CDH13: variants seen among roughly 807,000 people sequenced by gnomAD.
CDH13 encodes cadherin-13.
CDH13 carries 24 observed loss-of-function variants against 63.8 expected under a neutral mutation model. The observed-to-expected ratio is 0.38, with a 90% CI of 0.27 to 0.53. The LOEUF (loss-of-function observed/expected upper bound fraction) is 0.53, where lower values mean the gene tolerates loss of function less well. Ranked by LOEUF, CDH13 falls within the 20% of genes least tolerant of loss-of-function variation. CDH13 has a pLI of 0.85. For missense variants in CDH13, 1,049 were observed against 903.1 expected (o/e 1.16, Z -2.07); for synonymous variants, 503 against 355.3 (o/e 1.42, Z -4.67).
At chr16:82,679,237 G>A (rs1914274482) in intron 1 of CDH13, among the ~76,000 whole-genome samples, 1 of 152,142 alleles carries the variant, frequency 6.6e-6, no homozygotes, top group African/African-American at 2.4e-5. Context: ...AGAAATACGG[G>A]GTATAGCTGA....
At chr16:82,843,382 C>T (rs1210948132) in intron 1 of CDH13, among the ~76,000 whole-genome samples, 6 of 152,102 alleles carry the variant, frequency 3.9e-5, no homozygotes, top group Admixed American at 3.3e-4. Flanking sequence ...TTTGTATGAA[C>T]ATTTGGGGAA....
chr16:83,737,788 G>A (rs928702113), intron 10 of CDH13, among the ~76,000 whole-genome samples: 14 of 152,168 alleles, frequency 9.2e-5, no homozygotes, highest in African/African-American at 3.1e-4. Context: ...CCCAACCCTC[G>A]TGGGCTATTC....
chr16:83,106,537 C>A (rs1567835553), intron 3 of CDH13, among the ~76,000 whole-genome samples: 2 of 152,058 alleles, frequency 1.3e-5, no homozygotes, highest in Admixed American at 1.3e-4. Flanking sequence ...CGAGACTCCA[C>A]CTCAAACAAA....
intron 5 of CDH13, among the ~76,000 whole-genome samples, chr16:83,280,456 T>G (rs757938148): frequency 5.9e-5 from 9 of 152,222 alleles, no homozygotes; most frequent in Non-Finnish European, 8.8e-5. Context: ...TCGTACTGTT[T>G]CCATCACATC....
intron 4 of CDH13, among the ~76,000 whole-genome samples, chr16:83,178,389 C>T (rs1424091058): frequency 6.6e-6 from 1 of 152,186 alleles, no homozygotes; most frequent in African/African-American, 2.4e-5. Flanking sequence ...TAGATCCTGT[C>T]TGAAGTCCCC....
At chr16:83,391,531 C>T (rs1027977095) in intron 6 of CDH13, among the ~76,000 whole-genome samples, 1 of 152,092 alleles carries the variant, frequency 6.6e-6, no homozygotes, top group African/African-American at 2.4e-5. Context: ...TAATAGTAAG[C>T]CCCAATTATA....
chr16:82,983,733 A>G (rs1342241972), intron 2 of CDH13, among the ~76,000 whole-genome samples: 4 of 152,154 alleles, frequency 2.6e-5, no homozygotes. Flanking sequence ...TGAACAATGG[A>G]CACAAATATA....
At chr16:83,601,331 A>G (rs1907771457) in intron 7 of CDH13, among the ~76,000 whole-genome samples, 1 of 152,198 alleles carries the variant, frequency 6.6e-6, no homozygotes, top group East Asian at 1.9e-4. Flanking sequence ...ACTCTTCTTC[A>G]TCTTAGGATC....
chr16:82,729,260 A>C (rs1293003716), intron 1 of CDH13, among the ~76,000 whole-genome samples: 2 of 152,174 alleles, frequency 1.3e-5, no homozygotes, highest in Non-Finnish European at 2.9e-5. Context: ...GAAGGTTTTC[A>C]GTTCACTTTG....
intron 3 of CDH13, among the ~76,000 whole-genome samples, chr16:83,117,728 C>G (rs533343724): frequency 6.6e-6 from 1 of 152,312 alleles, no homozygotes; most frequent in East Asian, 1.9e-4. Flanking sequence ...TTCTCACGTT[C>G]TTTTTCTCTT....
At chr16:83,045,731 T>C (rs1181304440) in intron 3 of CDH13, among the ~76,000 whole-genome samples, 1 of 150,726 alleles carries the variant, frequency 6.6e-6, no homozygotes, top group East Asian at 1.9e-4. Context: ...ATAAAGACCA[T>C]GGATTTTCTC....
At chr16:83,785,129 CA>C (rs985569657) in intron 13 of CDH13, among the ~76,000 whole-genome samples, 18 of 152,300 alleles carry the variant, frequency 1.2e-4, no homozygotes, top group African/African-American at 3.9e-4. Flanking sequence ...AAACGTTGAG[CA>C]GGGGTGGTCC....
chr16:83,718,618 G>T (rs555573238), intron 10 of CDH13, among the ~76,000 whole-genome samples: 7 of 152,230 alleles, frequency 4.6e-5, no homozygotes, highest in Admixed American at 3.3e-4. Context: ...GCCGGTGGGT[G>T]TGTGATATAG....
intron 6 of CDH13, among the ~76,000 whole-genome samples, chr16:83,483,853 C>T (rs1598125479): frequency 6.6e-6 from 1 of 152,156 alleles, no homozygotes; most frequent in South Asian, 2.1e-4. Flanking sequence ...TGAGTGGCTG[C>T]CTAGACCACT....
At chr16:83,015,648 G>A (rs962688231) in intron 2 of CDH13, among the ~76,000 whole-genome samples, 1 of 108,548 alleles carries the variant, frequency 9.2e-6, no homozygotes, top group East Asian at 3.2e-4. Context: ...GCTTCAGCTT[G>A]CAGCATATAT....
chr16:82,832,483 C>T (rs1828482661), intron 1 of CDH13, among the ~76,000 whole-genome samples: 1 of 151,868 alleles, frequency 6.6e-6, no homozygotes, highest in South Asian at 2.1e-4. Flanking sequence ...TGTTGCTCTA[C>T]CAACATGGTT....
intron 3 of CDH13, among the ~76,000 whole-genome samples, chr16:83,076,401 C>A (rs1042375569): frequency 9.9e-5 from 15 of 152,260 alleles, no homozygotes; most frequent in South Asian, 2.1e-4. Context: ...CTTAGACTGG[C>A]AGGACTGGTG....
intron 1 of CDH13, among the ~76,000 whole-genome samples, chr16:82,666,032 C>T (rs1597261738): frequency 6.6e-6 from 1 of 152,138 alleles, no homozygotes; most frequent in African/African-American, 2.4e-5. Flanking sequence ...CAGGGAATAT[C>T]TGTGTATAAA....
chr16:82,700,027 C>G (rs1364250780), intron 1 of CDH13, among the ~76,000 whole-genome samples: 1 of 152,090 alleles, frequency 6.6e-6, no homozygotes, highest in East Asian at 1.9e-4. Context: ...TCTAGAAGTT[C>G]GCCTGTTACA....
Sources: gnomAD v4.1 joint callset for allele counts (sites outside exome capture counted in the v4.1 genomes callset) on GRCh38, gnomAD v4.1.1 for gene constraint, MANE v1.5 for transcripts, NCBI Gene and HGNC (gene_info 2026-07-23, HGNC 2026-07-21) for gene names.